Variants in RAD51AP2 observed in about 807,000 individuals in gnomAD.
RAD51AP2 encodes RAD51-associated protein 2.
RAD51AP2 carries 67 observed loss-of-function variants against 85.5 expected under a neutral mutation model. The ratio of observed to expected loss-of-function variants is 0.78; its 90% CI spans 0.64 to 0.96. The LOEUF (loss-of-function observed/expected upper bound fraction) is 0.96, where lower values mean the gene tolerates loss of function less well. RAD51AP2 is among the 40% of genes least tolerant of loss of function. The pLI is 0.00. For missense variants in RAD51AP2, 1,307 were observed against 1,332.4 expected, an observed-to-expected ratio of 0.98 and a Z score of 0.30; for synonymous variants, 474 against 446.5, an observed-to-expected ratio of 1.06 and a Z score of -0.78.
intron 2 of RAD51AP2, among the ~76,000 whole-genome samples, chr2:17,511,438 T>C (rs1418110254): frequency 6.6e-6 from 1 of 152,200 alleles, no homozygotes; most frequent in East Asian, 1.9e-4. Context: ...GAAGTTGTTA[T>C]TTAACATTAT....
chr2:17,525,861 T>G, the RAD51AP2 span, among the ~76,000 whole-genome samples: 1 of 152,038 alleles, frequency 6.6e-6, no homozygotes, highest in Non-Finnish European at 1.5e-5. Context: ...TTACAATGCC[T>G]TCTTCAAGAA....
chr2:17,517,541 T>C lies in RAD51AP2; in HGVS notation c.875A>G (p.Asp292Gly). The stretch of plus-strand genomic sequence containing the variant: ...TTGGGACCAGTAAATGTTTGTGAAA[T>C]CCCTAACATATGCCTCTTTTTTGTC... The part of the protein sequence containing the change: ...KNDKKEAYVR[D>G]FTNIYWSQNR... The change falls in exon 1 of 3, where the codon GAT (aspartate) becomes GGT (glycine). Residue 292 changes from aspartate (D) to glycine (G), a missense_variant. This residue lies in a region of RAD51AP2 where 635 missense variants were observed against 643.6 expected (regional missense o/e 0.99). Transcript: ENST00000399080. The C allele has an allele frequency of 6.2e-7, 1 of 1,613,690 alleles. No individual in the cohort carries two copies. The highest frequency in any genetic ancestry group is 8.5e-7 in the Non-Finnish European group (1 of 1,179,904).
intron 1 of RAD51AP2, among the ~76,000 whole-genome samples, chr2:17,514,776 A>G (rs1291769034): frequency 2.6e-5 from 4 of 152,212 alleles, no homozygotes; most frequent in African/African-American, 7.2e-5. Context: ...TCTCAAAAAA[A>G]AGAAGTTAAG....
chr2:17,521,783 C>CT (rs1272004308), upstream of RAD51AP2, among the ~76,000 whole-genome samples: 2 of 151,900 alleles, frequency 1.3e-5, no homozygotes, highest in African/African-American at 4.8e-5. Context: ...TATAAACCAC[C>CT]TTTTTGTCCT....
chr2:17,536,954 A>G, the RAD51AP2 span, among the ~76,000 whole-genome samples: 1 of 152,184 alleles, frequency 6.6e-6, no homozygotes, highest in Non-Finnish European at 1.5e-5. Context: ...TCTAAGAGAT[A>G]CTTCCTATTT....
Position 17,516,155 on chromosome 2 carries a change from T to TA in RAD51AP2, c.2260dup (p.Tyr754LeufsTer2), listed in dbSNP as rs1662656203. The TA allele has an allele frequency of 6.2e-7, 1 of 1,613,074 alleles. No homozygotes were observed. The highest frequency in any genetic ancestry group is 8.5e-7 in the Non-Finnish European group (1 of 1,179,592). On this transcript the variant is annotated frameshift_variant, in exon 1 of 3. Coordinates refer to ENST00000399080, the MANE Select transcript of RAD51AP2 (RefSeq NM_001099218.3). LOFTEE classifies it high-confidence loss of function. Reference sequence around the variant, plus strand: ...ATCTTGGCTGTGCATATTTACTTCATAAAAATTTTCATTAATGTATCCTCG... The same window carrying TA: ...ATCTTGGCTGTGCATATTTACTTCATAAAAAATTTTCATTAATGTATCCTCG...
intron 2 of RAD51AP2, among the ~76,000 whole-genome samples, chr2:17,513,787 G>A (rs1296453244): frequency 5.9e-5 from 9 of 152,074 alleles, no homozygotes; most frequent in Admixed American, 2.0e-4. Flanking sequence ...ATATCTGAAC[G>A]TAGTTTTGCA....
In RAD51AP2 at chr2:17,517,306, T is replaced by C. The variant is rs1662711922; in HGVS notation, c.1110A>G (p.Leu370=). The stretch of plus-strand genomic sequence containing the variant: ...CTGCTTCCTCCCAATTTGCATTTTC[T>C]AGTATAGCGAAATTCTTTCTAGAGT... ...VRDSRKNFAI[L]ENANWEEAEC... Residue 370 remains leucine, a synonymous_variant, in exon 1 of 3, where the codon CTA becomes CTG. Transcript: ENST00000399080. 6.2e-7 allele frequency: 1 copy of C among 1,614,108 alleles called. No homozygotes were observed. The highest frequency in any genetic ancestry group is 1.7e-4 in the Middle Eastern group (1 of 6,058).
the RAD51AP2 span, among the ~76,000 whole-genome samples, chr2:17,535,070 A>G: frequency 6.6e-6 from 1 of 152,214 alleles, no homozygotes; most frequent in Non-Finnish European, 1.5e-5. Flanking sequence ...AAGTATTTTC[A>G]TATATACTAT....
rs772056156 is a variant in RAD51AP2, at chr2:17,517,356, T to C, written c.1060A>G (p.Ser354Gly). Reference sequence around the variant, plus strand: ...TCTCTTACATTACACTGGATACTACTGCAGTTACAGTAGTTTGAACTGATC... The same window carrying C: ...TCTCTTACATTACACTGGATACTACCGCAGTTACAGTAGTTTGAACTGATC... ...DLISSNYCNC[S>G]SIQCNVRDSR... is the part of the protein sequence containing the mutation. Residue 354 changes from serine to glycine, a missense_variant, in exon 1 of 3, where the codon AGT becomes GGT. Physicochemically the swap from Ser to Gly is moderately conservative, Grantham distance 56. Transcript: ENST00000399080. The C allele has an allele frequency of 6.2e-7, 1 of 1,613,924 alleles. No individual in the cohort carries two copies. Among genetic ancestry groups the C allele is most frequent in the Non-Finnish European group, 8.5e-7 (1 of 1,179,932 alleles).
the RAD51AP2 span, among the ~76,000 whole-genome samples, chr2:17,534,195 G>T: frequency 6.6e-6 from 1 of 152,232 alleles, no homozygotes; most frequent in Admixed American, 6.5e-5. Context: ...TGGTATTTTA[G>T]ACTATGAACT....
rs1490129190 is a variant in RAD51AP2, at chr2:17,515,876, C to T, written c.2540G>A (p.Ser847Asn). ...CTTAGTATCTTTGTGAACTTGGCAA[C>T]TATTTGTTAAACTTTCAGCTGTGAC... ...VKVTAESLTN[S>N]CQVHKDTKIE... is the part of the protein sequence containing the mutation. Residue 847 changes from serine to asparagine, a missense_variant, in exon 1 of 3, where the codon AGT becomes AAT. By Grantham distance (46) the Ser-to-Asn change is conservative. Coordinates refer to ENST00000399080, the MANE Select transcript of RAD51AP2 (RefSeq NM_001099218.3). The T allele has an allele frequency of 6.2e-7, 1 of 1,606,186 alleles. No individual in the cohort carries two copies. Among genetic ancestry groups the T allele is most frequent in the Non-Finnish European group, 8.5e-7 (1 of 1,177,796 alleles).
At chr2:17,528,583 C>T in the RAD51AP2 span, among the ~76,000 whole-genome samples, 5 of 152,180 alleles carry the variant, frequency 3.3e-5, no homozygotes, top group East Asian at 9.6e-4. Flanking sequence ...TGGTTCACGC[C>T]TCTAATACCA....
At chr2:17,522,103 G>C (rs1360232680), upstream of RAD51AP2, among the ~76,000 whole-genome samples, 1 of 151,876 alleles carries the variant, frequency 6.6e-6, no homozygotes, top group Non-Finnish European at 1.5e-5. Context: ...TTTCTTAATA[G>C]AATATTAATC....
Position 17,515,976 on chromosome 2 carries a change from C to G in RAD51AP2, c.2440G>C (p.Val814Leu). 1 of 1,611,314 alleles carries G rather than the reference C, an allele frequency of 6.2e-7. No homozygotes were observed. Among genetic ancestry groups the G allele is most frequent in the Non-Finnish European group, 8.5e-7 (1 of 1,179,374 alleles). ...CTTAGCAAGTTCCAAAAATTTAGTA[C>G]TTGAGTTATAGAAGTGGTATGGGTC... ...EETHTTSITQ[V>L]LNFWNLLSEI... The change falls in exon 1 of 3, where the codon GTA becomes CTA. Residue 814 changes from valine to leucine, a missense_variant. Physicochemically the swap from Val to Leu is conservative, Grantham distance 32. This residue lies in a region of RAD51AP2 where 668 missense variants were observed against 671.0 expected (regional missense o/e 1.00). Coordinates refer to ENST00000399080, the MANE Select transcript of RAD51AP2 (RefSeq NM_001099218.3).
At chr2:17,526,139 T>C in the RAD51AP2 span, among the ~76,000 whole-genome samples, 1 of 151,932 alleles carries the variant, frequency 6.6e-6, no homozygotes, top group Non-Finnish European at 1.5e-5. Flanking sequence ...TAAGTTAATA[T>C]GCTCTACAAC....
the RAD51AP2 span, among the ~76,000 whole-genome samples, chr2:17,527,352 T>C: frequency 6.6e-6 from 1 of 151,990 alleles, no homozygotes. Context: ...GTTCAGAACC[T>C]TGCATGCCAA....
Position 17,515,340 on chromosome 2 carries a change from G to C in RAD51AP2, c.3076C>G (p.Arg1026Gly). ...GTATCATGGAACGAGGAAGATGCAC[G>C]TATTTTGTTGACCACAACCATTTTC... ...DLKMVVVNKIRASSSFHDTIA... is the reference protein window; with the variant it reads ...DLKMVVVNKIGASSSFHDTIA... Residue 1026 changes from arginine to glycine, a missense_variant, in exon 1 of 3, where the codon CGT (arginine) becomes GGT (glycine). Physicochemically the swap from Arg to Gly is moderately radical, Grantham distance 125 (BLOSUM62 -2). Transcript: ENST00000399080. 1 of 1,612,128 alleles carries C rather than the reference G, an allele frequency of 6.2e-7. No homozygotes were observed.
Position 17,511,366 on chromosome 2 carries a change from T to C in RAD51AP2, c.3329-411A>G, listed in dbSNP as rs532625629. Among the ~76,000 whole-genome samples the C allele has an allele frequency of 1.6e-4, 24 of 152,274 alleles. 1 individual carries two copies. In the South Asian group the frequency reaches 4.4e-3, roughly 28 times the overall value. ...TATGTTTGGTTTCTAATGGAGGTTA[T>C]TGTCAATAATAGAACACAAATGCAC... On this transcript the variant is annotated intron_variant, in intron 2 of 2. Transcript: ENST00000399080.
Sources: allele counts gnomAD v4.1 joint callset (sites outside exome capture counted in the v4.1 genomes callset), GRCh38; gene constraint gnomAD v4.1.1; regional missense constraint gnomAD v4.1.1; transcripts MANE v1.5; gene names NCBI Gene and HGNC (gene_info 2026-07-23, HGNC 2026-07-21).